The following KYAT3 variants were observed in gnomAD, a reference collection of about 807,000 sequenced individuals.
KYAT3 encodes kynurenine--oxoglutarate transaminase 3.
In KYAT3, 50 loss-of-function variants were observed where a neutral mutation model predicts 59.0. The observed-to-expected ratio is 0.85, with a 90% confidence interval of 0.68 to 1.07. The LOEUF (loss-of-function observed/expected upper bound fraction) is 1.07. KYAT3 is among the 50% of genes least tolerant of loss of function. The pLI is 0.00. For synonymous variants in KYAT3, 148 were observed against 177.0 expected (o/e 0.84, Z 1.30); for missense variants, 497 against 533.3 (o/e 0.93, Z 0.67).
chr1:88,921,390 C>A, the KYAT3 span, among the ~76,000 whole-genome samples: 1 of 152,022 alleles, frequency 6.6e-6, no homozygotes, highest in Non-Finnish European at 1.5e-5. Flanking sequence ...GTTTTTTTAG[C>A]CTTAATAGTA....
At chr1:88,968,377 A>G (rs960017980) in intron 4 of KYAT3, among the ~76,000 whole-genome samples, 3 of 152,200 alleles carry the variant, frequency 2.0e-5, no homozygotes, top group Non-Finnish European at 4.4e-5. Flanking sequence ...GATGAGATAG[A>G]AAAGACATGT....
intron 2 of KYAT3, among the ~76,000 whole-genome samples, chr1:88,985,471 C>A (rs1400871259): frequency 6.6e-6 from 1 of 152,236 alleles, no homozygotes; most frequent in Non-Finnish European, 1.5e-5. Flanking sequence ...CAATCCCTCA[C>A]ACACATGCCA....
rs908183722 is a variant in KYAT3 at position 88,984,204 on chromosome 1, C to CTTTTTTTTTTT, written c.99+4037_99+4047dup. ...ATTAACAGGAGCCCTTTTTTTGTTG[C>CTTTTTTTTTTT]TTTTTTTTTTTTTTTTTTTTTTTTT... On this transcript the variant is annotated intron_variant, in intron 2 of 13. Coordinates refer to ENST00000260508, the MANE Select transcript of KYAT3 (RefSeq NM_001008661.3). 38 of 81,474 alleles carry CTTTTTTTTTTT rather than the reference C, an allele frequency of 4.7e-4. 5 individuals are homozygous for CTTTTTTTTTTT. Among genetic ancestry groups the CTTTTTTTTTTT allele is most frequent in the Non-Finnish European group, 6.5e-4 (25 of 38,168 alleles). The allele number at this position is 81,474 out of a possible 1,614,324, so 5.0% of individuals were successfully genotyped here. A position where few individuals can be genotyped will look rare whatever the true frequency, so the allele number is the denominator to read the frequency against.
chr1:88,990,152 T>C (rs1677699832), intron 1 of KYAT3, among the ~76,000 whole-genome samples: 1 of 152,186 alleles, frequency 6.6e-6, no homozygotes, highest in Non-Finnish European at 1.5e-5. Context: ...ATTACCCTCC[T>C]TTAAAAGGAT....
At chr1:88,982,590 AAT>A (rs1271870044) in intron 2 of KYAT3, 25 of 1,528,022 alleles carry the variant, frequency 1.6e-5, no homozygotes, top group Non-Finnish European at 2.1e-5. Context: ...GTTATGATAG[AAT>A]AGTTTCCACT....
At chr1:88,935,330 G>C (rs1191937077), downstream of KYAT3, among the ~76,000 whole-genome samples, 5 of 150,956 alleles carry the variant, frequency 3.3e-5, no homozygotes, top group African/African-American at 1.2e-4. Context: ...AAAGAGCTGA[G>C]GAGAAGGAGA....
rs539681283 is a variant in KYAT3 at position 88,986,129 on chromosome 1, C to T, written c.99+2123G>A. 4.0e-5 allele frequency among the ~76,000 whole-genome samples: 6 copies of T among 150,518 alleles called. No homozygotes were observed. The East Asian group carries it at 7.8e-4, about 20-fold the overall frequency. The stretch of plus-strand genomic sequence containing the variant: ...CCGAGAGGCGGAGGCTGCAGTGAGC[C>T]GAGATTGCGCCATTGCACTCCAGCC... On this transcript the variant is annotated intron_variant, in intron 2 of 13. Transcript: ENST00000260508.
the KYAT3 span, among the ~76,000 whole-genome samples, chr1:88,930,736 A>T: frequency 2.0e-5 from 3 of 152,208 alleles, no homozygotes; most frequent in Non-Finnish European, 4.4e-5. Context: ...CAATATAGAG[A>T]GAAAGGGAAT....
the KYAT3 span, among the ~76,000 whole-genome samples, chr1:88,930,151 G>A: frequency 6.6e-6 from 1 of 152,212 alleles, no homozygotes. Flanking sequence ...TAGTGGCAAA[G>A]GGTTGGCCTC....
chr1:88,982,068 G>A (rs1387715905), intron 2 of KYAT3: 1 of 985,544 alleles, frequency 1.0e-6, no homozygotes, highest in Non-Finnish European at 1.2e-6. Context: ...AGATTCCCAA[G>A]GAAATGTCAG....
chr1:88,975,959 A>G (rs12120164), intron 2 of KYAT3, among the ~76,000 whole-genome samples: 61,313 of 151,798 alleles, frequency 0.4, 13,175 homozygotes, highest in Non-Finnish European at 0.48. Flanking sequence ...CGTCTGACCC[A>G]GGAGGTGGAG....
downstream of KYAT3, among the ~76,000 whole-genome samples, chr1:88,935,190 A>G (rs1159764105): frequency 6.7e-6 from 1 of 150,288 alleles, no homozygotes; most frequent in African/African-American, 2.4e-5. Context: ...TTTAGTAGAC[A>G]TGGGGCTTCA....
chr1:88,934,369 G>T (rs1333151224), downstream of KYAT3, among the ~76,000 whole-genome samples: 1 of 152,162 alleles, frequency 6.6e-6, no homozygotes, highest in East Asian at 1.9e-4. Flanking sequence ...CATGAGAATT[G>T]CTTGAACCTG....
chr1:88,951,569 T>C (rs1675673273), intron 10 of KYAT3, among the ~76,000 whole-genome samples: 1 of 151,884 alleles, frequency 6.6e-6, no homozygotes, highest in Admixed American at 6.6e-5. Context: ...AGAAAAATAC[T>C]ATTTTTTTCA....
the KYAT3 span, among the ~76,000 whole-genome samples, chr1:88,923,142 A>C: frequency 6.6e-6 from 1 of 152,248 alleles, no homozygotes; most frequent in Non-Finnish European, 1.5e-5. Flanking sequence ...TATTAGATTC[A>C]AAACCATATG....
chr1:88,959,274 T>A (rs1461890590), intron 8 of KYAT3, among the ~76,000 whole-genome samples: 3 of 148,238 alleles, frequency 2.0e-5, no homozygotes, highest in Non-Finnish European at 4.4e-5. Context: ...AGACCCTGTC[T>A]CTTAAAAAAA....
chr1:88,929,752 A>T, the KYAT3 span, among the ~76,000 whole-genome samples: 4 of 152,320 alleles, frequency 2.6e-5, no homozygotes, highest in South Asian at 8.3e-4. Context: ...AATTATCCAA[A>T]GGCACCAGGG....
downstream of KYAT3, among the ~76,000 whole-genome samples, chr1:88,933,519 G>A (rs1674952762): frequency 1.3e-5 from 2 of 152,120 alleles, no homozygotes; most frequent in South Asian, 2.1e-4. Flanking sequence ...ATTTTGCCCT[G>A]AATAGGAAGA....
At chr1:88,926,763 C>T in the KYAT3 span, among the ~76,000 whole-genome samples, 10 of 152,174 alleles carry the variant, frequency 6.6e-5, no homozygotes, top group South Asian at 4.1e-4. Flanking sequence ...TGCACTTAGC[C>T]GAGCCTTAAA....
Sources: allele counts gnomAD v4.1 joint callset (sites outside exome capture counted in the v4.1 genomes callset), GRCh38; gene constraint gnomAD v4.1.1; transcripts MANE v1.5; gene names NCBI Gene and HGNC (gene_info 2026-07-23, HGNC 2026-07-21).